Variants in BFSP1 observed in about 807,000 individuals in gnomAD.
BFSP1 encodes the protein beaded filament structural protein 1, also known as filensin.
In BFSP1, 38 loss-of-function variants were observed where a neutral mutation model predicts 43.9. The ratio of observed to expected loss-of-function variants is 0.87; its 90% confidence interval spans 0.67 to 1.14. The LOEUF is 1.14. Ranked by LOEUF, BFSP1 falls within the 50% of genes most tolerant of loss-of-function variation. The pLI, the probability that BFSP1 is intolerant of heterozygous loss-of-function variation, is 0.00. For missense variants in BFSP1, 850 were observed against 875.1 expected, an observed-to-expected ratio of 0.97 and a Z score of 0.36; for synonymous variants, 352 against 354.8, an observed-to-expected ratio of 0.99 and a Z score of 0.09.
chr20:17,548,027 T>C (rs369971647), intron 1 of BFSP1, among the ~76,000 whole-genome samples: 104 of 150,900 alleles, frequency 6.9e-4, no homozygotes, highest in African/African-American at 2.3e-3. Context: ...GGGATTACAG[T>C]TGTGAGCCAC....
intron 2 of BFSP1, among the ~76,000 whole-genome samples, chr20:17,520,141 T>C (rs1425784706): frequency 2.6e-5 from 4 of 151,626 alleles, no homozygotes; most frequent in Non-Finnish European, 5.9e-5. Context: ...ATGCAAATAC[T>C]CCAGCAGATG....
intron 5 of BFSP1, among the ~76,000 whole-genome samples, chr20:17,502,381 C>T (rs1257994729): frequency 6.6e-6 from 1 of 152,206 alleles, no homozygotes; most frequent in East Asian, 1.9e-4. Flanking sequence ...AAAGGAGAGA[C>T]ATGCCACAAA....
intron 1 of BFSP1, among the ~76,000 whole-genome samples, chr20:17,564,306 G>A (rs868207112): frequency 6.6e-6 from 1 of 151,032 alleles, no homozygotes; most frequent in African/African-American, 2.4e-5. Context: ...GGTCAAGGCT[G>A]CAGTGAGCCG....
At chr20:17,499,574 G>C (rs2033745968) in intron 5 of BFSP1, among the ~76,000 whole-genome samples, 1 of 151,924 alleles carries the variant, frequency 6.6e-6, no homozygotes, top group African/African-American at 2.4e-5. Context: ...AGCACCCTCT[G>C]CAATTAGTCC....
At chr20:17,511,404 T>C (rs1043407943) in intron 4 of BFSP1, among the ~76,000 whole-genome samples, 1 of 152,206 alleles carries the variant, frequency 6.6e-6, no homozygotes, top group African/African-American at 2.4e-5. Flanking sequence ...AAATTCATTA[T>C]CAGATTGATA....
intron 7 of BFSP1, among the ~76,000 whole-genome samples, chr20:17,496,409 GC>G (rs2033632028): frequency 1.3e-5 from 2 of 152,232 alleles, no homozygotes; most frequent in South Asian, 4.1e-4. Context: ...GAAGGCAGAT[GC>G]CACATTTACC....
chr20:17,514,903 TG>T lies in BFSP1; in HGVS notation c.439-88del. On this transcript the variant is annotated intron_variant, in intron 2 of 7. Transcript: ENST00000377873. The stretch of plus-strand genomic sequence containing the variant: ...CGGGTATATGAGCACACAGACCACC[TG>T]GGAGCTTACTGAAATGCAGACTCTG... 4 of 1,193,078 alleles carry T rather than the reference TG, an allele frequency of 3.4e-6. No individual in the cohort carries two copies. The South Asian group carries it at 4.9e-5, about 15-fold the overall frequency. The allele number at this position is 1,193,078 out of a possible 1,614,324, so 73.9% of individuals were successfully genotyped here.
intron 5 of BFSP1, among the ~76,000 whole-genome samples, chr20:17,499,403 C>CTTT (rs34583097): frequency 8.5e-4 from 70 of 82,048 alleles, no homozygotes; most frequent in Non-Finnish European, 1.2e-3. Flanking sequence ...ACATGCTGGG[C>CTTT]TTTTTTTTTT....
intron 2 of BFSP1, among the ~76,000 whole-genome samples, chr20:17,519,012 G>C (rs1307822540): frequency 6.6e-6 from 1 of 152,190 alleles, no homozygotes; most frequent in African/African-American, 2.4e-5. Flanking sequence ...CCTCAGAGAG[G>C]CTTGGCTAAA....
intron 1 of BFSP1, chr20:17,558,650 C>A: frequency 1.3e-6 from 2 of 1,547,268 alleles, no homozygotes; most frequent in Non-Finnish European, 8.7e-7. Flanking sequence ...AAATGCTAAA[C>A]CTAGAATCCA....
intron 2 of BFSP1, among the ~76,000 whole-genome samples, chr20:17,522,479 T>C (rs1477553211): frequency 1.3e-5 from 2 of 152,276 alleles, no homozygotes; most frequent in African/African-American, 2.4e-5. Context: ...TTATTCACTC[T>C]GTATTTGTCT....
At chr20:17,505,424 A>C (rs2033911139) in intron 5 of BFSP1, among the ~76,000 whole-genome samples, 3 of 151,882 alleles carry the variant, frequency 2.0e-5, no homozygotes. Context: ...CACCCTGACG[A>C]CCCCTGCTGT....
At chr20:17,557,226 G>A (rs2035006247) in intron 1 of BFSP1, among the ~76,000 whole-genome samples, 1 of 152,242 alleles carries the variant, frequency 6.6e-6, no homozygotes, top group South Asian at 2.1e-4. Context: ...CTGCAGCATT[G>A]ATACCAGGTC....
intron 2 of BFSP1, among the ~76,000 whole-genome samples, chr20:17,520,211 C>CCCCCCCCCCCCCCCCCCCCCCT (rs2034290637): frequency 1.1e-5 from 1 of 95,146 alleles, no homozygotes; most frequent in Non-Finnish European, 2.5e-5. Context: ...TTTTAACGTG[C>CCCCCCCCCCCCCCCCCCCCCCT]CCCCCCACCC....
At chr20:17,565,137 C>T (rs910518437) in intron 1 of BFSP1, among the ~76,000 whole-genome samples, 8 of 152,100 alleles carry the variant, frequency 5.3e-5, no homozygotes, top group African/African-American at 1.9e-4. Flanking sequence ...CCCTATTTAA[C>T]ACTTATTCTG....
chr20:17,562,520 C>G (rs1325333810), upstream of BFSP1, among the ~76,000 whole-genome samples: 1 of 102,442 alleles, frequency 9.8e-6, no homozygotes, highest in Non-Finnish European at 1.7e-5. Context: ...GAGTGAGACT[C>G]TGTCTCAAAA....
chr20:17,546,455 C>T (rs1040444180), intron 1 of BFSP1, among the ~76,000 whole-genome samples: 6 of 152,180 alleles, frequency 3.9e-5, no homozygotes, highest in South Asian at 4.1e-4. Flanking sequence ...AATCCCAGCA[C>T]TTTGTGAGGC....
intron 5 of BFSP1, among the ~76,000 whole-genome samples, chr20:17,501,009 G>A (rs1292977797): frequency 2.8e-4 from 42 of 152,186 alleles, no homozygotes; most frequent in Admixed American, 2.4e-3. Context: ...ATGGGGGGCC[G>A]GAGACTCCGC....
At chr20:17,510,365 G>C (rs1041219143) in intron 4 of BFSP1, among the ~76,000 whole-genome samples, 1 of 152,216 alleles carries the variant, frequency 6.6e-6, no homozygotes, top group Non-Finnish European at 1.5e-5. Flanking sequence ...ACACCTTTGA[G>C]TTAGAGTTGG....
Sources: allele counts gnomAD v4.1 joint callset (sites outside exome capture counted in the v4.1 genomes callset), GRCh38; gene constraint gnomAD v4.1.1; transcripts MANE v1.5; gene names NCBI Gene and HGNC (gene_info 2026-07-23, HGNC 2026-07-21).